Variants in EYS observed in about 807,000 individuals in gnomAD.
The protein encoded by EYS is protein eyes shut homolog.
Under a neutral mutation model 282.1 loss-of-function variants are expected in EYS, and 250 were observed. The observed-to-expected ratio is 0.89, with a 90% CI of 0.80 to 0.98. The LOEUF (loss-of-function observed/expected upper bound fraction) is 0.98, where lower values mean the gene tolerates loss of function less well. Ranked by LOEUF, EYS falls within the 50% of genes least tolerant of loss-of-function variation. EYS has a pLI of 0.00. For missense variants in EYS, 4,016 were observed against 3,709.0 expected (o/e 1.08, Z -2.15); for synonymous variants, 1,355 against 1,282.9 (o/e 1.06, Z -1.20).
At chr6:63,749,580 T>G (rs1562008124) in intron 41 of EYS, among the ~76,000 whole-genome samples, 1 of 152,172 alleles carries the variant, frequency 6.6e-6, no homozygotes. Context: ...GATGCTCCCA[T>G]TCCAAACCCT....
At chr6:65,644,267 A>C (rs1767380003) in intron 1 of EYS, among the ~76,000 whole-genome samples, 1 of 152,220 alleles carries the variant, frequency 6.6e-6, no homozygotes, top group South Asian at 2.1e-4. Flanking sequence ...AGAGAAATCC[A>C]AAGTGTACTG....
chr6:65,115,883 G>GA (rs775800444), intron 12 of EYS, among the ~76,000 whole-genome samples: 1 of 151,956 alleles, frequency 6.6e-6, no homozygotes, highest in African/African-American at 2.4e-5. Flanking sequence ...ACATGTTTCT[G>GA]ACTTCCAACA....
intron 35 of EYS, among the ~76,000 whole-genome samples, chr6:63,916,885 A>G (rs528640361): frequency 6.6e-6 from 1 of 152,330 alleles, no homozygotes; most frequent in East Asian, 1.9e-4. Flanking sequence ...GTGACAGTAA[A>G]GCAAGAAGTT....
At chr6:64,151,311 GTATATT>G (rs59626339) in intron 31 of EYS, among the ~76,000 whole-genome samples, 2,317 of 86,974 alleles carry the variant, frequency 0.027, 65 homozygotes, top group East Asian at 0.08. Context: ...GTGTGTGTGT[GTATATT>G]TATATATATA....
chr6:65,374,502 G>GTTTT lies in EYS; in HGVS notation c.1299+9880_1299+9883dup, dbSNP rs70999201. 3.4e-3 allele frequency among the ~76,000 whole-genome samples: 491 copies of GTTTT among 144,546 alleles called. 3 individuals are homozygous for GTTTT. Among genetic ancestry groups the GTTTT allele is most frequent in the Non-Finnish European group, 3.6e-3 (240 of 66,224 alleles). 94.8% of individuals were successfully genotyped at this position (144,546 alleles called of 152,430 possible). A position where few individuals can be genotyped will look rare whatever the true frequency, so the allele number is the denominator to read the frequency against. ...GGGCAGACACTGAGCTACCTGCGGA[G>GTTTT]TTTTTTTTTTTTTCGTACCCCACTG... is the stretch of plus-strand genomic sequence containing the variant. On this transcript the variant is annotated intron_variant, in intron 8 of 42. Transcript: ENST00000503581.
At chr6:63,837,890 C>T (rs1409851356) in intron 36 of EYS, among the ~76,000 whole-genome samples, 1 of 152,060 alleles carries the variant, frequency 6.6e-6, no homozygotes, top group African/African-American at 2.4e-5. Context: ...ACTATTTCTT[C>T]CTAGTCAGAA....
intron 22 of EYS, among the ~76,000 whole-genome samples, chr6:64,743,702 A>T (rs1772450609): frequency 6.6e-6 from 1 of 152,162 alleles, no homozygotes; most frequent in African/African-American, 2.4e-5. Context: ...AAAGTTCTGG[A>T]GAAGTTACTT....
intron 22 of EYS, among the ~76,000 whole-genome samples, chr6:64,723,729 G>A (rs999636682): frequency 6.6e-6 from 1 of 152,218 alleles, no homozygotes; most frequent in African/African-American, 2.4e-5. Flanking sequence ...CTGAAAGCCT[G>A]GAGGTGTGGC....
At chr6:65,397,296 G>T (rs1198991015) in intron 7 of EYS, among the ~76,000 whole-genome samples, 1 of 151,648 alleles carries the variant, frequency 6.6e-6, no homozygotes, top group Non-Finnish European at 1.5e-5. Flanking sequence ...GGTGAAGTCT[G>T]GGCTTTTAGT....
chr6:64,026,136 G>A (rs1336013869), intron 33 of EYS, among the ~76,000 whole-genome samples: 1 of 152,114 alleles, frequency 6.6e-6, no homozygotes, highest in African/African-American at 2.4e-5. Context: ...GGACCGTTGT[G>A]GGTTCTGGGG....
intron 8 of EYS, among the ~76,000 whole-genome samples, chr6:65,363,104 C>G (rs573821312): frequency 4.0e-5 from 6 of 151,700 alleles, no homozygotes; most frequent in Non-Finnish European, 7.4e-5. Context: ...ACTTGCATGC[C>G]AAATGTCATT....
chr6:63,832,606 G>A (rs2149692273), intron 36 of EYS, among the ~76,000 whole-genome samples: 1 of 152,252 alleles, frequency 6.6e-6, no homozygotes, highest in East Asian at 1.9e-4. Flanking sequence ...TCCAGGACCA[G>A]ACGGATTCAC....
chr6:64,872,273 T>C (rs1276851051), intron 19 of EYS, among the ~76,000 whole-genome samples: 1 of 152,024 alleles, frequency 6.6e-6, no homozygotes, highest in African/African-American at 2.4e-5. Flanking sequence ...AAATTAAGGG[T>C]ATCATGTAAT....
chr6:65,179,239 C>CA (rs200864159), intron 12 of EYS, among the ~76,000 whole-genome samples: 33,268 of 149,548 alleles, frequency 0.22, 3,781 homozygotes, highest in Middle Eastern at 0.24. Context: ...AATAGAGACA[C>CA]AAAAAAAAAC....
At chr6:64,468,642 C>T (rs1776004583) in intron 26 of EYS, among the ~76,000 whole-genome samples, 1 of 152,066 alleles carries the variant, frequency 6.6e-6, no homozygotes, top group Admixed American at 6.5e-5. Flanking sequence ...TTTTTTGATC[C>T]TCACCCTCCT....
At chr6:65,505,406 C>T (rs1766621161) in intron 2 of EYS, among the ~76,000 whole-genome samples, 3 of 151,716 alleles carry the variant, frequency 2.0e-5, no homozygotes, top group Admixed American at 2.0e-4. Context: ...TTTAATCTTA[C>T]TGAGCTCTAT....
At position 64,630,385 on chromosome 6, in the gene EYS, C is replaced by T. The variant is rs1007524735; in HGVS notation, c.3444-4140G>A. Among the ~76,000 whole-genome samples, 12 of 152,308 alleles carry T rather than the reference C, an allele frequency of 7.9e-5. No homozygotes were observed. The East Asian group carries it at 2.1e-3, about 27-fold the overall frequency. On this transcript the variant is annotated intron_variant, in intron 22 of 42. Transcript: ENST00000503581. ...GTGCTGGGATTACAGGCATAAGCCACCACACCTGGCCTATTCTTAGTGTTT... is the reference window on the plus strand; with the variant it reads ...GTGCTGGGATTACAGGCATAAGCCATCACACCTGGCCTATTCTTAGTGTTT...
chr6:64,097,080 A>T (rs1444744243), intron 31 of EYS, among the ~76,000 whole-genome samples: 1 of 151,642 alleles, frequency 6.6e-6, no homozygotes, highest in Non-Finnish European at 1.5e-5. Context: ...ATTGGTGAAC[A>T]GGAAATGTTG....
In EYS at chr6:64,591,489, C is replaced by T. The variant is rs1046299783; in HGVS notation, c.4378G>A (p.Val1460Ile). The T allele has an allele frequency of 1.3e-6, 2 of 1,551,334 alleles. No individual in the cohort carries two copies. Among genetic ancestry groups the T allele is most frequent in the Non-Finnish European group, 1.7e-6 (2 of 1,146,772 alleles). ...LIAASISATP[V>I]VSRGAQEDIE... is the part of the protein sequence containing the mutation. ...TCCTCTTGAGCCCCCCTAGAGACAACTGGAGTTGCACTTATGGAGGCAGCT... is the reference window on the plus strand; with the variant it reads ...TCCTCTTGAGCCCCCCTAGAGACAATTGGAGTTGCACTTATGGAGGCAGCT... The change falls in exon 26 of 43, where the codon GTT becomes ATT. Residue 1460 changes from valine to isoleucine, a missense_variant. Transcript: ENST00000503581.
Sources: allele counts gnomAD v4.1 joint callset (sites outside exome capture counted in the v4.1 genomes callset), GRCh38; gene constraint gnomAD v4.1.1; transcripts MANE v1.5; gene names NCBI Gene and HGNC (gene_info 2026-07-23, HGNC 2026-07-21).